The following ADAMTSL1 variants were observed in gnomAD, a reference collection of about 807,000 sequenced individuals.
ADAMTSL1 encodes ADAMTS like 1, also known as ADAMTS-like protein 1.
Under a neutral mutation model 201.8 loss-of-function variants are expected in ADAMTSL1, and 126 were observed. The observed-to-expected ratio is 0.62, with a 90% CI of 0.54 to 0.72. ADAMTSL1 has a LOEUF of 0.72. ADAMTSL1 is among the 30% of genes least tolerant of loss of function. The probability of loss-of-function intolerance (pLI) is 0.00; values close to 1 mark genes in which losing one functional copy is unlikely to be tolerated. For synonymous variants in ADAMTSL1, 1,121 were observed against 903.4 expected (o/e 1.24, Z -4.32); for missense variants, 2,679 against 2,277.8 (o/e 1.18, Z -3.59).
chr9:18,538,448 G>T (rs563853401), intron 3 of ADAMTSL1, among the ~76,000 whole-genome samples: 1 of 151,972 alleles, frequency 6.6e-6, no homozygotes, highest in East Asian at 1.9e-4. Context: ...GACCTCAAAG[G>T]TCCCGTCCAC....
At chr9:18,657,779 G>C (rs1416978752) in intron 8 of ADAMTSL1, 29 bp downstream of exon 8, 1 of 1,569,148 alleles carries the variant, frequency 6.4e-7, no homozygotes. Flanking sequence ...TCTAAAAACT[G>C]TTGGCTTCTG....
intron 2 of ADAMTSL1, among the ~76,000 whole-genome samples, chr9:18,182,313 G>A (rs1404572335): frequency 1.3e-5 from 2 of 151,264 alleles, no homozygotes; most frequent in Non-Finnish European, 2.9e-5. Flanking sequence ...GAATTAGATA[G>A]TGGTCATGAT....
At chr9:17,913,212 GT>G (rs943398637) in intron 1 of ADAMTSL1, among the ~76,000 whole-genome samples, 1 of 152,132 alleles carries the variant, frequency 6.6e-6, no homozygotes, top group Non-Finnish European at 1.5e-5. Flanking sequence ...CTTTAAAGTA[GT>G]TTTTTCCAAT....
intron 2 of ADAMTSL1, among the ~76,000 whole-genome samples, chr9:18,465,847 C>T (rs1202485689): frequency 6.6e-6 from 1 of 152,176 alleles, no homozygotes; most frequent in African/African-American, 2.4e-5. Flanking sequence ...CTCCTGGGTT[C>T]AAGCAATTCT....
intron 2 of ADAMTSL1, among the ~76,000 whole-genome samples, chr9:18,515,486 A>C (rs944408078): frequency 1.3e-5 from 2 of 151,994 alleles, no homozygotes; most frequent in African/African-American, 4.8e-5. Context: ...AGGCATGAGC[A>C]ATCATGCCTG....
intron 15 of ADAMTSL1, among the ~76,000 whole-genome samples, chr9:18,750,452 T>C (rs1819409574): frequency 6.6e-6 from 1 of 152,260 alleles, no homozygotes; most frequent in Non-Finnish European, 1.5e-5. Context: ...TTGCTTATTG[T>C]TGCAGTTTAT....
intron 2 of ADAMTSL1, among the ~76,000 whole-genome samples, chr9:18,291,797 G>C (rs1833284768): frequency 1.3e-5 from 2 of 149,028 alleles, no homozygotes; most frequent in Admixed American, 6.8e-5. Flanking sequence ...CTGTCTTAGA[G>C]AGTCTCCTTA....
chr9:18,137,454 A>G (rs930632116), intron 1 of ADAMTSL1, among the ~76,000 whole-genome samples: 1 of 152,054 alleles, frequency 6.6e-6, no homozygotes, highest in Admixed American at 6.6e-5. Flanking sequence ...AAAAATTCTA[A>G]CAGACTAACA....
intron 23 of ADAMTSL1, among the ~76,000 whole-genome samples, chr9:18,860,672 CA>C (rs1321667005): frequency 1.3e-5 from 2 of 152,128 alleles, no homozygotes; most frequent in Non-Finnish European, 2.9e-5. Context: ...TTCCCACCCC[CA>C]CCATCATAAT....
intron 15 of ADAMTSL1, among the ~76,000 whole-genome samples, chr9:18,728,757 A>G (rs1818048048): frequency 6.6e-6 from 1 of 152,216 alleles, no homozygotes. Flanking sequence ...TGAGCACAAA[A>G]TGAAGGACAA....
chr9:18,874,384 G>C (rs1191805689), intron 23 of ADAMTSL1, among the ~76,000 whole-genome samples: 1 of 151,808 alleles, frequency 6.6e-6, no homozygotes, highest in Non-Finnish European at 1.5e-5. Context: ...CTGGTTCTCA[G>C]GGAGAACTTT....
Position 18,829,893 on chromosome 9 carries a change from G to A in ADAMTSL1, c.4165G>A (p.Ala1389Thr). 1 of 1,613,976 alleles carries A rather than the reference G, an allele frequency of 6.2e-7. No individual in the cohort carries two copies. Among genetic ancestry groups the A allele is most frequent in the East Asian group, 2.2e-5 (1 of 44,880 alleles). The change falls in exon 23 of 29, where the codon GCC (alanine) becomes ACC (threonine). Residue 1389 changes from alanine to threonine, a missense_variant. Physicochemically the swap from Ala to Thr is moderately conservative, Grantham distance 58. Transcript: ENST00000380548. Reference protein sequence around the residue: ...QLEDIRALLAATGPNLPSVLT... With the variant: ...QLEDIRALLATTGPNLPSVLT... ...GGAAGACATCAGGGCCTTGCTCGCTGCCACTGGACCGAACCTTCCTTCAGT... is the reference window on the plus strand; with the variant it reads ...GGAAGACATCAGGGCCTTGCTCGCTACCACTGGACCGAACCTTCCTTCAGT...
Position 18,076,855 on chromosome 9 carries a change from A to G in ADAMTSL1, c.88-87007A>G, listed in dbSNP as rs1340063709. ...GTGTGGCTTGGCAGAAAATAGGAGGAAAAATGGTGGTATTAAGGAGGCTTT... is the reference window on the plus strand; with the variant it reads ...GTGTGGCTTGGCAGAAAATAGGAGGGAAAATGGTGGTATTAAGGAGGCTTT... On this transcript the variant is annotated intron_variant, in intron 1 of 29. Transcript: ENST00000680146. 2.0e-5 allele frequency among the ~76,000 whole-genome samples: 3 copies of G among 152,048 alleles called. No individual in the cohort carries two copies. The East Asian group carries it at 5.8e-4, about 29-fold the overall frequency.
At chr9:18,378,721 A>T (rs1837417891) in intron 2 of ADAMTSL1, among the ~76,000 whole-genome samples, 1 of 152,028 alleles carries the variant, frequency 6.6e-6, no homozygotes, top group Admixed American at 6.6e-5. Context: ...ATGTACATTA[A>T]GTTCATCTCT....
chr9:18,868,373 C>G (rs1419533414), intron 23 of ADAMTSL1, among the ~76,000 whole-genome samples: 1 of 152,180 alleles, frequency 6.6e-6, no homozygotes, highest in East Asian at 1.9e-4. Flanking sequence ...ATTTGGCTAT[C>G]TACTGGTCAG....
At position 18,163,357 on chromosome 9, in the gene ADAMTSL1, G is replaced by A. The variant is rs552790451; in HGVS notation, c.88-505G>A. 2.0e-5 allele frequency among the ~76,000 whole-genome samples: 3 copies of A among 152,150 alleles called. No homozygotes were observed. The South Asian group carries it at 6.2e-4, about 32-fold the overall frequency. ...AAGTTCTCCAATACCTCCTTCCGGA[G>A]CAGCTAAAGTACATCTGGTTCTAAA... On this transcript the variant is annotated intron_variant, in intron 1 of 29. Coordinates refer to the ADAMTSL1 transcript ENST00000680146.
chr9:17,977,458 A>C (rs533222293), intron 1 of ADAMTSL1, among the ~76,000 whole-genome samples: 29 of 152,192 alleles, frequency 1.9e-4, no homozygotes, highest in South Asian at 2.1e-4. Flanking sequence ...TTGATTATTG[A>C]TTCAATCTCC....
intron 13 of ADAMTSL1, among the ~76,000 whole-genome samples, chr9:18,702,090 C>T (rs932496646): frequency 2.0e-5 from 3 of 152,112 alleles, no homozygotes; most frequent in Non-Finnish European, 4.4e-5. Context: ...CAGAGAAACT[C>T]CCACTTTTAA....
At chr9:18,048,573 GGT>G (rs1224621562) in intron 1 of ADAMTSL1, among the ~76,000 whole-genome samples, 1 of 152,050 alleles carries the variant, frequency 6.6e-6, no homozygotes, top group Non-Finnish European at 1.5e-5. Context: ...GGGGAAATTG[GGT>G]GTGAGATATA....
Sources: gnomAD v4.1 joint callset for allele counts (sites outside exome capture counted in the v4.1 genomes callset) on GRCh38, gnomAD v4.1.1 for gene constraint, MANE v1.5 for transcripts, NCBI Gene and HGNC (gene_info 2026-07-23, HGNC 2026-07-21) for gene names.